The following PTPRD variants were observed in gnomAD, a reference collection of about 807,000 sequenced individuals.
PTPRD encodes the protein protein tyrosine phosphatase receptor type D, also known as receptor-type tyrosine-protein phosphatase delta.
PTPRD carries 34 observed loss-of-function variants against 214.5 expected under a neutral mutation model. That is an observed-to-expected ratio of 0.16 (90% CI 0.12 to 0.21). The LOEUF (loss-of-function observed/expected upper bound fraction) is 0.21. Ranked by LOEUF, PTPRD falls within the 10% of genes least tolerant of loss-of-function variation. The probability of loss-of-function intolerance (pLI) is 1.00; values close to 1 mark genes in which losing one functional copy is unlikely to be tolerated. For synonymous variants in PTPRD, 1,128 were observed against 845.7 expected, an observed-to-expected ratio of 1.33 and a Z score of -5.79; for missense variants, 2,545 against 2,398.7, an observed-to-expected ratio of 1.06 and a Z score of -1.27.
At chr9:10,176,110 G>A (rs2099247014) in intron 3 of PTPRD, among the ~76,000 whole-genome samples, 1 of 151,882 alleles carries the variant, frequency 6.6e-6, no homozygotes, top group South Asian at 2.1e-4. Context: ...TTTCTTTGAG[G>A]AGCATAAATT....
intron 12 of PTPRD, chr9:8,713,575 G>T: frequency 6.7e-7 from 1 of 1,495,778 alleles, no homozygotes; most frequent in Non-Finnish European, 9.3e-7. Flanking sequence ...CTCCCGGAGC[G>T]GCACCCACAA....
intron 9 of PTPRD, among the ~76,000 whole-genome samples, chr9:9,262,615 A>G (rs1381595157): frequency 6.6e-6 from 1 of 151,556 alleles, no homozygotes; most frequent in African/African-American, 2.4e-5. Context: ...ATGCCCTTGT[A>G]TAGAAATGGA....
chr9:10,485,063 A>G (rs2099123926), intron 2 of PTPRD, among the ~76,000 whole-genome samples: 1 of 151,926 alleles, frequency 6.6e-6, no homozygotes, highest in Non-Finnish European at 1.5e-5. Context: ...ATAGAGGTCT[A>G]GTTTCATTCT....
chr9:9,100,566 G>C (rs2099789878), intron 10 of PTPRD, among the ~76,000 whole-genome samples: 1 of 152,058 alleles, frequency 6.6e-6, no homozygotes, highest in Admixed American at 6.6e-5. Context: ...GCAGATCATA[G>C]CCACATTTAT....
At chr9:8,969,243 G>C (rs546865049) in intron 11 of PTPRD, among the ~76,000 whole-genome samples, 45 of 152,150 alleles carry the variant, frequency 3.0e-4, no homozygotes, top group African/African-American at 9.9e-4. Context: ...TGTTGGCAGG[G>C]TTACAGGTGC....
chr9:9,080,981 T>C (rs2099758188), intron 10 of PTPRD, among the ~76,000 whole-genome samples: 1 of 152,120 alleles, frequency 6.6e-6, no homozygotes, highest in Admixed American at 6.6e-5. Flanking sequence ...GGGTTTTTCA[T>C]GTCTCTATCT....
At chr9:8,652,653 C>T (rs984720077) in intron 12 of PTPRD, among the ~76,000 whole-genome samples, 3 of 152,182 alleles carry the variant, frequency 2.0e-5, no homozygotes, top group Non-Finnish European at 4.4e-5. Context: ...AGGGATTCCA[C>T]TTGTATAATA....
In PTPRD at chr9:8,317,138, AGATT is replaced by A. The variant is rs1156238592; in HGVS notation, c.*732_*735del. On this transcript the variant is annotated 3_prime_UTR_variant, in exon 46 of 46. Coordinates refer to ENST00000381196, the MANE Select transcript of PTPRD (RefSeq NM_002839.4). ...ATATATCTGACGAGACTGATACTGT[AGATT>A]GAGTTTTGCACAAAAATGTGCAAAT... 1.9e-4 allele frequency: 44 copies of A among 232,044 alleles called. No individual in the cohort carries two copies. The highest frequency in any genetic ancestry group is 9.1e-4 in the South Asian group (5 of 5,512). 14.4% of individuals were successfully genotyped at this position (232,044 alleles called of 1,614,324 possible). A position where few individuals can be genotyped will look rare whatever the true frequency, so the allele number is the denominator to read the frequency against.
At chr9:9,157,179 C>T (rs768501680) in intron 10 of PTPRD, among the ~76,000 whole-genome samples, 42 of 151,854 alleles carry the variant, frequency 2.8e-4, no homozygotes, top group Non-Finnish European at 5.2e-4. Context: ...TCAGAAAAGA[C>T]GAAATATCTC....
At chr9:9,793,817 C>T (rs2098983570) in intron 5 of PTPRD, among the ~76,000 whole-genome samples, 1 of 151,698 alleles carries the variant, frequency 6.6e-6, no homozygotes, top group African/African-American at 2.4e-5. Context: ...AATAAATGGA[C>T]AAAAAGTATA....
At chr9:8,694,810 T>C (rs967163793) in intron 12 of PTPRD, among the ~76,000 whole-genome samples, 6 of 152,228 alleles carry the variant, frequency 3.9e-5, no homozygotes, top group African/African-American at 1.4e-4. Context: ...GCTTAAATCT[T>C]AAAATATGTA....
chr9:9,401,684 A>G (rs541261923), intron 8 of PTPRD, among the ~76,000 whole-genome samples: 1 of 151,332 alleles, frequency 6.6e-6, no homozygotes, highest in East Asian at 1.9e-4. Flanking sequence ...CCGGAATCGC[A>G]TCTTGAATTG....
rs1488142502 is a variant in PTPRD, at chr9:8,618,906, GTTTTTTTGTTTT to G, written c.352+14399_352+14410del. On this transcript the variant is annotated intron_variant, in intron 14 of 45. Transcript: ENST00000381196. ...TGTGTGTGTGTGTGTGTTTGTCTGTGTTTTTTTGTTTTTTTTTTTTTTTTTTTTTTTTTACCG... is the reference window on the plus strand; with the variant it reads ...TGTGTGTGTGTGTGTGTTTGTCTGTGTTTTTTTTTTTTTTTTTTTTTACCG... Among the ~76,000 whole-genome samples, 138 of 96,842 alleles carry G rather than the reference GTTTTTTTGTTTT, an allele frequency of 1.4e-3. 3 individuals are homozygous for G. The highest frequency in any genetic ancestry group is 5.2e-3 in the African/African-American group (133 of 25,500). The allele number at this position is 96,842 out of a possible 152,430, so 63.5% of individuals were successfully genotyped here.
intron 14 of PTPRD, among the ~76,000 whole-genome samples, chr9:8,576,621 G>A (rs1048674174): frequency 6.8e-5 from 8 of 118,290 alleles, no homozygotes; most frequent in African/African-American, 2.9e-4. Context: ...CTACAGCAAG[G>A]CTAATGCAGC....
At chr9:10,450,222 C>T (rs1347680649) in intron 2 of PTPRD, among the ~76,000 whole-genome samples, 5 of 150,740 alleles carry the variant, frequency 3.3e-5, no homozygotes, top group Non-Finnish European at 5.9e-5. Context: ...CCAAGAAACA[C>T]CCAAGAATGA....
At chr9:10,598,387 C>T (rs1349362645) in intron 2 of PTPRD, among the ~76,000 whole-genome samples, 1 of 151,666 alleles carries the variant, frequency 6.6e-6, no homozygotes, top group Non-Finnish European at 1.5e-5. Context: ...ACAGCAAATG[C>T]AGATACAGCA....
At chr9:9,742,450 G>C (rs903915450) in intron 6 of PTPRD, among the ~76,000 whole-genome samples, 2 of 152,088 alleles carry the variant, frequency 1.3e-5, no homozygotes, top group Non-Finnish European at 2.9e-5. Flanking sequence ...GTAATTTATA[G>C]AAATATAATT....
intron 21 of PTPRD, among the ~76,000 whole-genome samples, chr9:8,510,775 A>G (rs961599989): frequency 1.8e-4 from 28 of 152,132 alleles, no homozygotes; most frequent in African/African-American, 6.8e-4. Context: ...TTGAATCCAC[A>G]ACCATGAAGC....
intron 11 of PTPRD, among the ~76,000 whole-genome samples, chr9:8,900,978 T>C (rs566629280): frequency 6.6e-6 from 1 of 152,254 alleles, no homozygotes; most frequent in South Asian, 2.1e-4. Flanking sequence ...TACAGGTAAG[T>C]ACATGATGAT....
Sources: gnomAD v4.1 joint callset for allele counts (sites outside exome capture counted in the v4.1 genomes callset) on GRCh38, gnomAD v4.1.1 for gene constraint, MANE v1.5 for transcripts, NCBI Gene and HGNC (gene_info 2026-07-23, HGNC 2026-07-21) for gene names.